Variants in ZNF324B observed in about 807,000 individuals in gnomAD.
The protein encoded by ZNF324B is zinc finger protein 324B.
Under a neutral mutation model 10.6 loss-of-function variants are expected in ZNF324B, and 7 were observed. The ratio of observed to expected loss-of-function variants is 0.66; its 90% CI spans 0.38 to 1.24. ZNF324B has a LOEUF of 1.24. ZNF324B is among the 50% of genes most tolerant of loss of function. The pLI is 0.02. For synonymous variants in ZNF324B, 316 were observed against 321.0 expected, an observed-to-expected ratio of 0.98 and a Z score of 0.17; for missense variants, 640 against 764.7, an observed-to-expected ratio of 0.84 and a Z score of 1.92.
the ZNF324B span, chr19:58,433,567 G>A: frequency 1.2e-6 from 2 of 1,614,216 alleles, no homozygotes; most frequent in Middle Eastern, 1.6e-4. Context: ...GCATTCGTAA[G>A]GCCTTTCTCC....
chr19:58,434,431 T>C, the ZNF324B span: 5 of 1,614,134 alleles, frequency 3.1e-6, no homozygotes, highest in East Asian at 1.1e-4. Flanking sequence ...GTGAATTCTC[T>C]GATGATGAAC....
chr19:58,431,088 G>T, the ZNF324B span: 1 of 152,220 alleles, frequency 6.6e-6, no homozygotes, highest in Non-Finnish European at 1.5e-5. Context: ...TGCTGTGCAT[G>T]AACTGAAAAG....
Position 58,455,305 on chromosome 19 carries a change from A to G in ZNF324B, c.361A>G (p.Ser121Gly), listed in dbSNP as rs1599983367. Residue 121 changes from serine (S) to glycine (G), a missense_variant, in exon 4 of 4, where the codon AGC becomes GGC. By Grantham distance (56) the Ser-to-Gly change is moderately conservative. Transcript: ENST00000336614. The surrounding 1 kb of genome is among the most constrained non-coding windows in gnomAD (Gnocchi z 7.0). ...PVADACHSVK[S>G]LQRQPGASPS... ...TGCCGATGCCTGCCACAGTGTAAAA[A>G]GCCTGCAGCGACAACCGGGTGCCTC... is the stretch of plus-strand genomic sequence containing the variant. 6.2e-7 allele frequency: 1 copy of G among 1,614,124 alleles called. No homozygotes were observed.
chr19:58,436,343 G>A, the ZNF324B span: 1 of 154,436 alleles, frequency 6.5e-6, no homozygotes, highest in East Asian at 1.9e-4. Context: ...GAATTGTATG[G>A]TTTATCTTAA....
At chr19:58,449,598 G>T (rs754456408), upstream of ZNF324B, among the ~76,000 whole-genome samples, 6 of 152,264 alleles carry the variant, frequency 3.9e-5, no homozygotes, top group Non-Finnish European at 8.8e-5. Context: ...GCTTGTATCA[G>T]TGTGACCTGG....
the ZNF324B span, chr19:58,439,848 C>T: frequency 1.8e-5 from 27 of 1,534,084 alleles, no homozygotes; most frequent in Middle Eastern, 4.2e-3. Context: ...CTAGCCCTGC[C>T]GCTGGGCCGA....
chr19:58,433,816 T>G, the ZNF324B span: 1 of 1,614,230 alleles, frequency 6.2e-7, no homozygotes, highest in Middle Eastern at 1.6e-4. Flanking sequence ...ACTACACTCG[T>G]AAGGCTTTTC....
At chr19:58,434,396 C>T in the ZNF324B span, 1 of 1,614,250 alleles carries the variant, frequency 6.2e-7, no homozygotes, top group Non-Finnish European at 8.5e-7. Context: ...CCACATTCAT[C>T]ACACTCATAA....
chr19:58,446,573 C>CTTTTT, the ZNF324B span, among the ~76,000 whole-genome samples: 3 of 102,506 alleles, frequency 2.9e-5, no homozygotes, highest in South Asian at 3.2e-4. Context: ...ATTTCTTTCT[C>CTTTTT]TTTTTTTTTT....
In ZNF324B at chr19:58,455,761, C is replaced by T. The variant is rs1162111156; in HGVS notation, c.817C>T (p.Leu273Phe). The part of the protein sequence containing the change: ...SKVFVKSSDL[L>F]KHLRTHTGER... ...AGTGTTCGTGAAGAGCTCCGACCTC[C>T]TCAAGCACCTACGCACCCACACCGG... is the stretch of plus-strand genomic sequence containing the variant. The change falls in exon 4 of 4, where the codon CTC (leucine) becomes TTC (phenylalanine). Residue 273 changes from leucine to phenylalanine, a missense_variant. By Grantham distance (22) the Leu-to-Phe change is conservative. Coordinates refer to ENST00000336614, the MANE Select transcript of ZNF324B (RefSeq NM_207395.3). The surrounding 1 kb of genome is among the most constrained non-coding windows in gnomAD (Gnocchi z 7.0). 2.5e-6 allele frequency: 4 copies of T among 1,613,954 alleles called. No homozygotes were observed. Among genetic ancestry groups the T allele is most frequent in the African/African-American group, 1.3e-5 (1 of 74,938 alleles).
At chr19:58,427,431 C>CTTTCCTTTCCT in the ZNF324B span, among the ~76,000 whole-genome samples, 2 of 30,772 alleles carry the variant, frequency 6.5e-5, no homozygotes, top group African/African-American at 3.7e-4. Context: ...TCCTTCCTTC[C>CTTTCCTTTCCT]TTCCTTCCTT....
chr19:58,433,644 T>C, the ZNF324B span: 3 of 1,613,802 alleles, frequency 1.9e-6, no homozygotes, highest in African/African-American at 2.7e-5. Flanking sequence ...ATTCACTGCA[T>C]TTATAAGGCT....
chr19:58,434,503 G>T, the ZNF324B span: 1 of 1,614,082 alleles, frequency 6.2e-7, no homozygotes, highest in African/African-American at 1.3e-5. Context: ...TTTTACTTCA[G>T]TGTGAAATTT....
chr19:58,446,349 C>A, the ZNF324B span, among the ~76,000 whole-genome samples: 4 of 152,136 alleles, frequency 2.6e-5, no homozygotes, highest in Non-Finnish European at 5.9e-5. Flanking sequence ...GGGACCTTGG[C>A]AGAGCTATCA....
chr19:58,452,729 AACTGG>A (rs747453912), intron 1 of ZNF324B: 22 of 851,702 alleles, frequency 2.6e-5, no homozygotes, highest in Non-Finnish European at 3.1e-5. Flanking sequence ...AGGGCCTATA[AACTGG>A]ACTGAAGAAG....
chr19:58,441,400 A>G, the ZNF324B span: 2 of 152,304 alleles, frequency 1.3e-5, no homozygotes, highest in Admixed American at 6.5e-5. Flanking sequence ...GGATGGGAGA[A>G]GTGATCAGAT....
chr19:58,439,977 G>A, the ZNF324B span: 1 of 698,362 alleles, frequency 1.4e-6, no homozygotes, highest in East Asian at 3.1e-5. Flanking sequence ...CCCTGGAGAC[G>A]CGTGGCGCTG....
the ZNF324B span, chr19:58,445,230 G>A: frequency 4.1e-3 from 1,349 of 332,080 alleles, 4 homozygotes; most frequent in Non-Finnish European, 6.2e-3. Flanking sequence ...TCATCAGAGA[G>A]GCCCAGTGCA....
chr19:58,451,456 C>A, upstream of ZNF324B: 1 of 337,744 alleles, frequency 3.0e-6, no homozygotes, highest in Admixed American at 3.9e-5. Context: ...CATTTCCAGG[C>A]GCCCAGCGCG....
Sources: allele counts gnomAD v4.1 joint callset (sites outside exome capture counted in the v4.1 genomes callset), GRCh38; gene constraint gnomAD v4.1.1; non-coding constraint Gnocchi (gnomAD v3.1); transcripts MANE v1.5; gene names NCBI Gene and HGNC (gene_info 2026-07-23, HGNC 2026-07-21).